Variants in SASS6 observed in about 807,000 individuals in gnomAD.
SASS6 encodes SAS-6 centriolar assembly protein.
Under a neutral mutation model 94.9 loss-of-function variants are expected in SASS6, and 59 were observed. That is an observed-to-expected ratio of 0.62 (90% confidence interval 0.50 to 0.77). The LOEUF is 0.77. SASS6 is among the 30% of genes least tolerant of loss of function. The pLI is 0.00. For missense variants in SASS6, 698 were observed against 734.1 expected, an observed-to-expected ratio of 0.95 and a Z score of 0.57; for synonymous variants, 264 against 270.0, an observed-to-expected ratio of 0.98 and a Z score of 0.22.
At chr1:100,124,056 T>C in intron 2 of SASS6, among the ~76,000 whole-genome samples, 1 of 152,218 alleles carries the variant, frequency 6.6e-6, no homozygotes, top group East Asian at 1.9e-4. Context: ...AAGAATTCAT[T>C]TGAAATAAAA....
At chr1:100,087,993 A>G in intron 15 of SASS6, 146 bp downstream of exon 15, 1 of 484,320 alleles carries the variant, frequency 2.1e-6, no homozygotes, top group South Asian at 3.5e-5. Context: ...TATAGCTAAG[A>G]GTAATTCAAC....
At position 100,120,395 on chromosome 1, in the gene SASS6, T is replaced by C; in HGVS notation, c.548A>G (p.Lys183Arg). ...DATKQLDFTRKTLAEKKQELD... is the reference protein window; with the variant it reads ...DATKQLDFTRRTLAEKKQELD... ...AAGACAAAATGAAATTTGAATTACC[T>C]TTCGTGTAAAGTCCAGTTGCTTAGT... The change falls in exon 6 of 17, where the codon AAG becomes AGG. Residue 183 changes from lysine (K) to arginine (R), a missense_variant and splice_region_variant. Transcript: ENST00000287482. The C allele has an allele frequency of 6.7e-7, 1 of 1,483,870 alleles. No homozygotes were observed. Among genetic ancestry groups the C allele is most frequent in the Non-Finnish European group, 9.4e-7 (1 of 1,063,228 alleles). The allele number at this position is 1,483,870 out of a possible 1,614,324, so 91.9% of individuals were successfully genotyped here.
intron 14 of SASS6, among the ~76,000 whole-genome samples, chr1:100,088,601 T>C (rs1651469516): frequency 6.9e-6 from 1 of 144,862 alleles, no homozygotes; most frequent in Non-Finnish European, 1.5e-5. Flanking sequence ...GAATTAGTTC[T>C]ATATTGAGAT....
In SASS6 at chr1:100,125,945, G is replaced by T; in HGVS notation, c.66-3C>A. On this transcript the variant is annotated splice_polypyrimidine_tract_variant and splice_region_variant and intron_variant, in intron 1 of 16. Transcript: ENST00000287482. ...TGCTCATTCTTATACTTACTCTCCT[G>T]TAGGAAAAGACATACCCAACCATCA... 1 of 1,482,486 alleles carries T rather than the reference G, an allele frequency of 6.7e-7. No individual in the cohort carries two copies. Among genetic ancestry groups the T allele is most frequent in the Non-Finnish European group, 9.2e-7 (1 of 1,083,034 alleles). 91.8% of individuals were successfully genotyped at this position (1,482,486 alleles called of 1,614,324 possible).
intron 8 of SASS6, among the ~76,000 whole-genome samples, chr1:100,109,076 G>C (rs1016276844): frequency 6.6e-6 from 1 of 151,948 alleles, no homozygotes; most frequent in Non-Finnish European, 1.5e-5. Flanking sequence ...AATGCAATGA[G>C]GTTGTTTATA....
At chr1:100,103,141 G>A (rs895681443) in intron 13 of SASS6, 58 bp from the exon 14 acceptor site, 54 of 1,137,270 alleles carry the variant, frequency 4.7e-5, no homozygotes, top group Non-Finnish European at 6.0e-5. Flanking sequence ...AATAGTATTT[G>A]TTGATCAGGT....
intron 13 of SASS6, 33 bp from the exon 14 acceptor site, chr1:100,103,116 G>A: frequency 7.0e-7 from 1 of 1,419,826 alleles, no homozygotes; most frequent in Non-Finnish European, 9.8e-7. Context: ...GATTAAAGAT[G>A]ATAAATTAAT....
intron 7 of SASS6, among the ~76,000 whole-genome samples, chr1:100,116,848 C>T (rs2101678304): frequency 6.6e-6 from 1 of 152,156 alleles, no homozygotes; most frequent in South Asian, 2.1e-4. Flanking sequence ...ACTGTTAGGA[C>T]TAGGAAGCCA....
chr1:100,102,540 G>A (rs942936764), intron 14 of SASS6, among the ~76,000 whole-genome samples: 1 of 152,020 alleles, frequency 6.6e-6, no homozygotes, highest in East Asian at 1.9e-4. Flanking sequence ...TTAGCTGGGT[G>A]TAGTGGCACA....
Position 100,105,879 on chromosome 1 carries a change from A to T in SASS6, c.1433T>A (p.Leu478Gln). Residue 478 changes from leucine (L) to glutamine (Q), a missense_variant, in exon 13 of 17, where the codon CTA (leucine) becomes CAA (glutamine). Transcript: ENST00000287482. ...CTTTCTCACTAGCTGATTTTCATTTAGTTCTTTATTTAACCACGTGATTAC... is the reference window on the plus strand; with the variant it reads ...CTTTCTCACTAGCTGATTTTCATTTTGTTCTTTATTTAACCACGTGATTAC... The part of the protein sequence containing the change: ...EKLITWLNKE[L>Q]NENQLVRKQD... The T allele has an allele frequency of 6.2e-7, 1 of 1,606,964 alleles. No individual in the cohort carries two copies.
In SASS6 at chr1:100,105,749, T is replaced by A; in HGVS notation, c.1545+18A>T. ...AGGAAATTCACTAAGATCACTCACA[T>A]CTTGTTTTAAATCTTACCACATTCA... is the stretch of plus-strand genomic sequence containing the variant. On this transcript the variant is annotated intron_variant, in intron 13 of 16. Transcript: ENST00000287482. 1 of 1,604,392 alleles carries A rather than the reference T, an allele frequency of 6.2e-7. No individual in the cohort carries two copies.
At chr1:100,105,628 ACT>A (rs1652843218) in intron 13 of SASS6, 137 bp downstream of exon 13, 1 of 723,410 alleles carries the variant, frequency 1.4e-6, no homozygotes, top group South Asian at 1.9e-5. Flanking sequence ...GGCAACTTAA[ACT>A]CTATTTCAGT....
chr1:100,132,878 TGA>T lies in SASS6; in HGVS notation c.-66_-65del. The T allele has an allele frequency of 6.9e-7, 1 of 1,452,212 alleles. No individual in the cohort carries two copies. Among genetic ancestry groups the T allele is most frequent in the Non-Finnish European group, 9.7e-7 (1 of 1,034,884 alleles). The allele number at this position is 1,452,212 out of a possible 1,614,324, so 90.0% of individuals were successfully genotyped here. A position where few individuals can be genotyped will look rare whatever the true frequency, so the allele number is the denominator to read the frequency against. Reference sequence around the variant, plus strand: ...ACAGGCCCGGCCCTCGGGATTAGCCTGAGAGGTCCGGGTCCTGATAAAGTTTG... The same window carrying T: ...ACAGGCCCGGCCCTCGGGATTAGCCTGAGGTCCGGGTCCTGATAAAGTTTG... On this transcript the variant is annotated 5_prime_UTR_variant, in exon 1 of 17. Coordinates refer to ENST00000287482, the MANE Select transcript of SASS6 (RefSeq NM_194292.3).
chr1:100,092,474 T>C (rs183485392), intron 14 of SASS6, among the ~76,000 whole-genome samples: 1 of 152,274 alleles, frequency 6.6e-6, no homozygotes, highest in African/African-American at 2.4e-5. Context: ...TAGAAGAACT[T>C]AGAATACCAG....
intron 14 of SASS6, among the ~76,000 whole-genome samples, chr1:100,101,582 A>G (rs1223727644): frequency 6.6e-6 from 1 of 152,156 alleles, no homozygotes; most frequent in African/African-American, 2.4e-5. Context: ...AAAGTTGTTT[A>G]AATAAAAAAC....
Position 100,085,200 on chromosome 1 carries a change from A to G in SASS6, c.*128T>C, listed in dbSNP as rs2101632087. 2.9e-6 allele frequency: 2 copies of G among 682,574 alleles called. No homozygotes were observed. The highest frequency in any genetic ancestry group is 3.7e-4 in the Middle Eastern group (1 of 2,706). 42.3% of individuals were successfully genotyped at this position (682,574 alleles called of 1,614,324 possible). On this transcript the variant is annotated 3_prime_UTR_variant, in exon 17 of 17. Transcript: ENST00000287482. ...AAACTGCCATAAAAGCAGTACTTAAAGTATCCAGTCTTTAACAGCTCAAGT... is the reference window on the plus strand; with the variant it reads ...AAACTGCCATAAAAGCAGTACTTAAGGTATCCAGTCTTTAACAGCTCAAGT...
Position 100,107,412 on chromosome 1 carries a change from G to T in SASS6, c.1288C>A (p.Gln430Lys), listed in dbSNP as rs1016869418. 2 of 1,609,052 alleles carry T rather than the reference G, an allele frequency of 1.2e-6. No individual in the cohort carries two copies. The highest frequency in any genetic ancestry group is 2.7e-5 in the African/African-American group (2 of 74,792). Residue 430 changes from glutamine to lysine, a missense_variant, in exon 11 of 17, where the codon CAA becomes AAA. Transcript: ENST00000287482. Reference sequence around the variant, plus strand: ...ATTCGAAGAGACTGTCCAACATCTTGTAATTCCTTTTGTTCCTTTTGTAAT... The same window carrying T: ...ATTCGAAGAGACTGTCCAACATCTTTTAATTCCTTTTGTTCCTTTTGTAAT... ...EKLQKEQKEL[Q>K]DVGQSLRIKE...
At chr1:100,110,974 T>G (rs112607848) in intron 7 of SASS6, among the ~76,000 whole-genome samples, 3 of 152,142 alleles carry the variant, frequency 2.0e-5, no homozygotes, top group African/African-American at 7.2e-5. Flanking sequence ...GGTTCATTAG[T>G]CCAATCTTAT....
chr1:100,086,198 T>C (rs914016237), intron 15 of SASS6, among the ~76,000 whole-genome samples: 5 of 152,152 alleles, frequency 3.3e-5, no homozygotes, highest in Admixed American at 6.5e-5. Context: ...GTTTCCCTAG[T>C]ATTACTTGTA....
Sources: allele counts gnomAD v4.1 joint callset (sites outside exome capture counted in the v4.1 genomes callset), GRCh38; gene constraint gnomAD v4.1.1; transcripts MANE v1.5; gene names NCBI Gene and HGNC (gene_info 2026-07-23, HGNC 2026-07-21).